VOPP1: variants seen among roughly 807,000 people sequenced by gnomAD.
VOPP1 encodes the protein WW domain binding protein VOPP1.
In VOPP1, 8 loss-of-function variants were observed where a neutral mutation model predicts 23.5. The ratio of observed to expected loss-of-function variants is 0.34; its 90% confidence interval spans 0.20 to 0.61. VOPP1 has a LOEUF of 0.61. VOPP1 is among the 20% of genes least tolerant of loss of function. VOPP1 has a pLI of 0.78. For synonymous variants in VOPP1, 83 were observed against 97.3 expected, an observed-to-expected ratio of 0.85 and a Z score of 0.86; for missense variants, 174 against 238.1, an observed-to-expected ratio of 0.73 and a Z score of 1.77.
intron 2 of VOPP1, among the ~76,000 whole-genome samples, chr7:55,511,930 G>A (rs191398468): frequency 1.3e-4 from 20 of 152,216 alleles, no homozygotes; most frequent in African/African-American, 3.9e-4. Context: ...ACTGACACCC[G>A]TCTCAGATTT....
chr7:55,495,731 T>C (rs551376693), intron 3 of VOPP1, among the ~76,000 whole-genome samples: 5 of 152,284 alleles, frequency 3.3e-5, no homozygotes, highest in South Asian at 2.1e-4. Context: ...CCGATGTTGA[T>C]TGAGAGAGAA....
At chr7:55,547,480 C>T (rs922498307) in intron 1 of VOPP1, among the ~76,000 whole-genome samples, 2 of 152,146 alleles carry the variant, frequency 1.3e-5, no homozygotes, top group Non-Finnish European at 2.9e-5. Context: ...ACCAATAAAC[C>T]TTGCCAACTT....
chr7:55,513,551 AC>A (rs1466599660), intron 2 of VOPP1, among the ~76,000 whole-genome samples: 1 of 152,034 alleles, frequency 6.6e-6, no homozygotes, highest in Non-Finnish European at 1.5e-5. Context: ...AACACCCAGA[AC>A]CCAAATGCCC....
intron 2 of VOPP1, among the ~76,000 whole-genome samples, chr7:55,499,768 C>G (rs1425190099): frequency 6.6e-6 from 1 of 152,062 alleles, no homozygotes; most frequent in Non-Finnish European, 1.5e-5. Context: ...ATGCTGGTAC[C>G]CCTGGTTCCA....
chr7:55,508,707 T>C (rs543267355), intron 2 of VOPP1, among the ~76,000 whole-genome samples: 63 of 152,276 alleles, frequency 4.1e-4, no homozygotes, highest in African/African-American at 1.4e-3. Context: ...GTTGACTAAA[T>C]ATAAGGTTAA....
chr7:55,554,592 G>T (rs1797739785), intron 1 of VOPP1, among the ~76,000 whole-genome samples: 1 of 152,192 alleles, frequency 6.6e-6, no homozygotes, highest in Admixed American at 6.5e-5. Context: ...TGCCGAGGAT[G>T]TAGGGATGGT....
intron 4 of VOPP1, among the ~76,000 whole-genome samples, chr7:55,476,059 T>C (rs1292156976): frequency 3.9e-5 from 6 of 152,066 alleles, no homozygotes. Context: ...AAGGGTGGGA[T>C]GGGAGAGCCA....
At chr7:55,534,151 G>C (rs1308790754) in intron 1 of VOPP1, among the ~76,000 whole-genome samples, 2 of 141,652 alleles carry the variant, frequency 1.4e-5, no homozygotes, top group African/African-American at 5.3e-5. Context: ...TTTTTTACGA[G>C]ATGGAGAGAG....
chr7:55,526,448 G>T (rs1056641540), intron 1 of VOPP1, among the ~76,000 whole-genome samples: 4 of 152,192 alleles, frequency 2.6e-5, no homozygotes, highest in Admixed American at 2.0e-4. Flanking sequence ...CGCTGAGTGA[G>T]GAAGGACGCA....
At chr7:55,486,462 G>A (rs13241056) in intron 4 of VOPP1, among the ~76,000 whole-genome samples, 5 of 152,052 alleles carry the variant, frequency 3.3e-5, no homozygotes, top group Admixed American at 6.5e-5. Context: ...GGGGCAGCAC[G>A]GGGGCTGGAA....
chr7:55,467,255 G>A (rs1417109857), downstream of VOPP1, among the ~76,000 whole-genome samples: 2 of 152,252 alleles, frequency 1.3e-5, no homozygotes, highest in Non-Finnish European at 2.9e-5. Context: ...CCCCCTTTGT[G>A]AGAAAACAAG....
chr7:55,463,425 T>C (rs1388653408), intron 4 of VOPP1, among the ~76,000 whole-genome samples: 1 of 152,258 alleles, frequency 6.6e-6, no homozygotes, highest in Non-Finnish European at 1.5e-5. Flanking sequence ...GGATTGGCTT[T>C]CATAGGAAAA....
At chr7:55,444,395 C>A (rs1234301399) in intron 4 of VOPP1, among the ~76,000 whole-genome samples, 2 of 152,190 alleles carry the variant, frequency 1.3e-5, no homozygotes, top group Non-Finnish European at 2.9e-5. Context: ...TTCATGTGTG[C>A]CTGTTCACAT....
At chr7:55,517,412 G>A (rs1323835184) in intron 2 of VOPP1, among the ~76,000 whole-genome samples, 1 of 152,106 alleles carries the variant, frequency 6.6e-6, no homozygotes, top group Admixed American at 6.5e-5. Context: ...GACACCTGTG[G>A]ATGGAATGAA....
chr7:55,538,620 A>G (rs1356291347), intron 1 of VOPP1: 57 of 1,535,952 alleles, frequency 3.7e-5, no homozygotes, highest in Non-Finnish European at 4.8e-5. Context: ...AACCTGCAAG[A>G]GCACAGAAGA....
At chr7:55,467,917 G>T (rs1313944831), downstream of VOPP1, among the ~76,000 whole-genome samples, 2 of 152,212 alleles carry the variant, frequency 1.3e-5, no homozygotes, top group Non-Finnish European at 2.9e-5. Flanking sequence ...AGCTAAACTG[G>T]TATTTTCTTT....
intron 1 of VOPP1, among the ~76,000 whole-genome samples, chr7:55,558,212 CAAT>C (rs146451899): frequency 2.6e-5 from 4 of 151,480 alleles, no homozygotes; most frequent in Non-Finnish European, 2.9e-5. Context: ...TTATGACACA[CAAT>C]AATAATAATA....
intron 1 of VOPP1, among the ~76,000 whole-genome samples, chr7:55,547,424 G>C (rs1338940499): frequency 6.6e-6 from 1 of 152,212 alleles, no homozygotes; most frequent in African/African-American, 2.4e-5. Flanking sequence ...AATTAACAGT[G>C]ACATGTAAGT....
chr7:55,497,797 CA>C lies in VOPP1; in HGVS notation c.114-108del, dbSNP rs1433202725. The C allele has an allele frequency of 3.3e-6, 3 of 922,182 alleles. No homozygotes were observed. The Admixed American group carries it at 6.0e-5, about 18-fold the overall frequency. 57.1% of individuals were successfully genotyped at this position (922,182 alleles called of 1,614,324 possible). ...TGTAATCATTCTTGAAGGAAGAAAT[CA>C]GTAAGAGCAAAAAGGACAGAACTGC... On this transcript the variant is annotated intron_variant, in intron 2 of 4. Transcript: ENST00000285279.
Sources: allele counts gnomAD v4.1 joint callset (sites outside exome capture counted in the v4.1 genomes callset), GRCh38; gene constraint gnomAD v4.1.1; transcripts MANE v1.5; gene names NCBI Gene and HGNC (gene_info 2026-07-23, HGNC 2026-07-21).